The following ACER2 variants were observed in gnomAD, a reference collection of about 807,000 sequenced individuals.
ACER2 encodes alkaline ceramidase 2.
Under a neutral mutation model 34.7 loss-of-function variants are expected in ACER2, and 26 were observed. The observed-to-expected ratio is 0.75, with a 90% CI of 0.55 to 1.04. The LOEUF is 1.04. Among genes scored for constraint, ACER2 ranks in the 50% least tolerant of loss-of-function variants. ACER2 has a pLI of 0.00. For missense variants in ACER2, 352 were observed against 340.8 expected, an observed-to-expected ratio of 1.03 and a Z score of -0.26; for synonymous variants, 138 against 132.1, an observed-to-expected ratio of 1.04 and a Z score of -0.31.
intron 5 of ACER2, among the ~76,000 whole-genome samples, chr9:19,448,769 C>G (rs1016485038): frequency 6.6e-6 from 1 of 152,164 alleles, no homozygotes; most frequent in South Asian, 2.1e-4. Context: ...TGTTGGGCAT[C>G]TTTTCAAATG....
intron 4 of ACER2, 31 bp downstream of exon 4, chr9:19,435,115 C>T: frequency 2.5e-6 from 4 of 1,612,362 alleles, no homozygotes; most frequent in Non-Finnish European, 3.4e-6. Flanking sequence ...CTACCCTTAG[C>T]TGTCCCCGTG....
At chr9:19,427,762 G>A (rs1486718145) in intron 3 of ACER2, among the ~76,000 whole-genome samples, 1 of 151,698 alleles carries the variant, frequency 6.6e-6, no homozygotes, top group Non-Finnish European at 1.5e-5. Context: ...CACTTCCTAT[G>A]TTCACGCCAT....
In ACER2 at chr9:19,424,860, T is replaced by C; in HGVS notation, c.365+19T>C. The C allele has an allele frequency of 6.2e-7, 1 of 1,614,010 alleles. No homozygotes were observed. Among genetic ancestry groups the C allele is most frequent in the Non-Finnish European group, 8.5e-7 (1 of 1,179,972 alleles). On this transcript the variant is annotated intron_variant, in intron 3 of 5. Transcript: ENST00000340967. ...ATGACCGGTAAGCTTGCACTAAACA[T>C]TATTGCATTTACCACTAGGTGCAGT...
intron 3 of ACER2, among the ~76,000 whole-genome samples, chr9:19,432,566 GTGTA>G (rs71335432): frequency 2.1e-5 from 2 of 97,356 alleles, no homozygotes; most frequent in African/African-American, 4.1e-5. Context: ...GTGTGTGTGG[GTGTA>G]TGTGTGTGTA....
At chr9:19,411,842 A>G (rs1358232135) in intron 1 of ACER2, among the ~76,000 whole-genome samples, 3 of 152,198 alleles carry the variant, frequency 2.0e-5, no homozygotes, top group East Asian at 3.8e-4. Flanking sequence ...TTCAGATACT[A>G]CTGTCTACCA....
chr9:19,412,020 A>G (rs566515235), intron 1 of ACER2, among the ~76,000 whole-genome samples: 2 of 152,334 alleles, frequency 1.3e-5, no homozygotes, highest in African/African-American at 2.4e-5. Flanking sequence ...AACTTGGTCC[A>G]TTTGACTCTA....
At chr9:19,413,277 A>C (rs1335594350) in intron 1 of ACER2, among the ~76,000 whole-genome samples, 2 of 152,148 alleles carry the variant, frequency 1.3e-5, no homozygotes, top group African/African-American at 4.8e-5. Flanking sequence ...AAATTTTATT[A>C]ATTGAGTTCC....
chr9:19,428,008 TTTTCC>T (rs549146476), intron 3 of ACER2, among the ~76,000 whole-genome samples: 15,118 of 64,146 alleles, frequency 0.24, 1,667 homozygotes, highest in Non-Finnish European at 0.27. Context: ...CCTTTTTCCT[TTTTCC>T]TTTCCTTTCC....
intron 3 of ACER2, among the ~76,000 whole-genome samples, chr9:19,427,419 G>A (rs987582310): frequency 6.6e-6 from 1 of 152,158 alleles, no homozygotes; most frequent in African/African-American, 2.4e-5. Flanking sequence ...AGTGACCAGG[G>A]AGGGCAAGAA....
rs749112582 is a variant in ACER2 at position 19,423,961 on chromosome 9, C to G, written c.208C>G (p.Leu70Val). ...CAGTGGCATCTACTTAATCTGGACT[C>G]TTTTGGTTGTAGTGGGTAAGTGGAG... The part of the protein sequence containing the change: ...FNSGIYLIWT[L>V]LVVVGIGSVY... Residue 70 changes from leucine (L) to valine (V), a missense_variant, in exon 2 of 6, where the codon CTT (leucine) becomes GTT (valine). Transcript: ENST00000340967. The G allele has an allele frequency of 1.2e-6, 2 of 1,613,470 alleles. No homozygotes were observed. The highest frequency in any genetic ancestry group is 1.7e-6 in the Non-Finnish European group (2 of 1,179,526).
rs537717582 is a variant in ACER2 at position 19,420,984 on chromosome 9, A to G, written c.109-2878A>G. On this transcript the variant is annotated intron_variant, in intron 1 of 5. Transcript: ENST00000340967. ...GGAGATTTTGTCATTCTATAACATT[A>G]TAGACCATACTTACACAAATCTAGA... 2.6e-5 allele frequency among the ~76,000 whole-genome samples: 4 copies of G among 152,322 alleles called. No homozygotes were observed. In the South Asian group the frequency reaches 8.3e-4, roughly 32 times the overall value.
At chr9:19,430,744 G>A (rs1033138119) in intron 3 of ACER2, among the ~76,000 whole-genome samples, 1 of 152,122 alleles carries the variant, frequency 6.6e-6, no homozygotes, top group Non-Finnish European at 1.5e-5. Flanking sequence ...GATCACCTGA[G>A]GTCAGGAGTT....
chr9:19,428,008 TTTTCCTTTCCTTTCCTTTCC>T (rs549146476), intron 3 of ACER2, among the ~76,000 whole-genome samples: 3,374 of 65,450 alleles, frequency 0.052, 107 homozygotes, highest in Middle Eastern at 0.18. Flanking sequence ...CCTTTTTCCT[TTTTCCTTTCCTTTCCTTTCC>T]TTTCCTTTCC....
chr9:19,422,373 A>T (rs1283594168), intron 1 of ACER2, among the ~76,000 whole-genome samples: 1 of 152,156 alleles, frequency 6.6e-6, no homozygotes, highest in Admixed American at 6.5e-5. Context: ...CAATATTTTG[A>T]ATACATTGCA....
chr9:19,430,873 G>A (rs555918651), intron 3 of ACER2, among the ~76,000 whole-genome samples: 1 of 151,990 alleles, frequency 6.6e-6, no homozygotes, highest in African/African-American at 2.4e-5. Context: ...CAGGAGAATC[G>A]CTTGAACCCA....
intron 3 of ACER2, among the ~76,000 whole-genome samples, chr9:19,432,565 GGTGT>G (rs1830789468): frequency 7.2e-6 from 1 of 138,980 alleles, no homozygotes; most frequent in Non-Finnish European, 1.6e-5. Flanking sequence ...TGTGTGTGTG[GGTGT>G]ATGTGTGTGT....
At chr9:19,418,183 A>G (rs201630950) in intron 1 of ACER2, among the ~76,000 whole-genome samples, 2 of 152,248 alleles carry the variant, frequency 1.3e-5, no homozygotes, top group African/African-American at 4.8e-5. Context: ...CGATCATTAA[A>G]AAGTCAGGAA....
intron 1 of ACER2, among the ~76,000 whole-genome samples, chr9:19,410,667 G>T (rs1276579516): frequency 6.6e-6 from 1 of 152,124 alleles, no homozygotes; most frequent in Admixed American, 6.5e-5. Flanking sequence ...CTGAGATCGC[G>T]CCACTCCACT....
chr9:19,413,573 C>T (rs983041144), intron 1 of ACER2, among the ~76,000 whole-genome samples: 3 of 150,602 alleles, frequency 2.0e-5, no homozygotes, highest in South Asian at 2.1e-4. Flanking sequence ...GCATTCCAGC[C>T]TGGGTGACAG....
Sources: gnomAD v4.1 joint callset for allele counts (sites outside exome capture counted in the v4.1 genomes callset) on GRCh38, gnomAD v4.1.1 for gene constraint, MANE v1.5 for transcripts, NCBI Gene and HGNC (gene_info 2026-07-23, HGNC 2026-07-21) for gene names.